RAB30: variants seen among roughly 807,000 people sequenced by gnomAD.
The protein encoded by RAB30 is RAB30, member RAS oncogene family, also known as ras-related protein Rab-30.
A neutral mutation model predicts 25.1 loss-of-function variants in RAB30; 9 were observed. The observed-to-expected ratio is 0.36, with a 90% CI of 0.22 to 0.63. RAB30 has a LOEUF of 0.63. Among genes scored for constraint, RAB30 ranks in the 20% least tolerant of loss-of-function variants. The pLI, the probability that RAB30 is intolerant of heterozygous loss-of-function variation, is 0.69. For missense variants in RAB30, 140 were observed against 243.5 expected (o/e 0.58, Z 2.83); for synonymous variants, 77 against 86.4 (o/e 0.89, Z 0.60).
chr11:83,023,981 T>C (rs1857649633), intron 1 of RAB30, among the ~76,000 whole-genome samples: 1 of 152,172 alleles, frequency 6.6e-6, no homozygotes, highest in Admixed American at 6.5e-5. Flanking sequence ...CAGAGTTTAA[T>C]CCGTGCAGTT....
chr11:82,989,409 T>C (rs182654783), intron 3 of RAB30, among the ~76,000 whole-genome samples: 13 of 152,324 alleles, frequency 8.5e-5, no homozygotes, highest in Admixed American at 8.5e-4. Context: ...AAGGCTCTCC[T>C]TTGATCTGCA....
At chr11:82,990,687 T>C (rs1389517373) in intron 3 of RAB30, among the ~76,000 whole-genome samples, 1 of 152,232 alleles carries the variant, frequency 6.6e-6, no homozygotes, top group Non-Finnish European at 1.5e-5. Flanking sequence ...ATGGTTTAAA[T>C]TGAGCTTAGA....
chr11:83,018,171 C>A (rs571896663), intron 1 of RAB30, among the ~76,000 whole-genome samples: 2 of 151,988 alleles, frequency 1.3e-5, no homozygotes, highest in South Asian at 2.1e-4. Flanking sequence ...TGGTGGCATG[C>A]GCCTGTAGTC....
intron 1 of RAB30, among the ~76,000 whole-genome samples, chr11:83,018,780 G>A (rs1438589837): frequency 6.6e-6 from 1 of 152,152 alleles, no homozygotes; most frequent in Non-Finnish European, 1.5e-5. Flanking sequence ...CCAACATCTA[G>A]AAGAGTTTTA....
At chr11:83,058,110 T>G (rs899178714) in intron 1 of RAB30, among the ~76,000 whole-genome samples, 1 of 152,236 alleles carries the variant, frequency 6.6e-6, no homozygotes, top group African/African-American at 2.4e-5. Context: ...AAACTACTAA[T>G]TACCCTTCAC....
At chr11:83,007,034 T>C (rs1286519368) in intron 1 of RAB30, among the ~76,000 whole-genome samples, 2 of 152,236 alleles carry the variant, frequency 1.3e-5, no homozygotes, top group East Asian at 3.8e-4. Context: ...ACACAGAACA[T>C]TTCTGAGGAA....
At chr11:83,050,095 C>A (rs552166485) in intron 1 of RAB30, among the ~76,000 whole-genome samples, 1 of 151,832 alleles carries the variant, frequency 6.6e-6, no homozygotes, top group South Asian at 2.1e-4. Context: ...TCATCTCTAA[C>A]AAAAATAAAA....
intron 1 of RAB30, among the ~76,000 whole-genome samples, chr11:83,052,625 G>A (rs1471009589): frequency 1.3e-5 from 2 of 152,208 alleles, no homozygotes; most frequent in Non-Finnish European, 2.9e-5. Context: ...GCCCACAGGG[G>A]AACACGAGAG....
At chr11:83,015,254 G>C (rs1857411064) in intron 1 of RAB30, among the ~76,000 whole-genome samples, 1 of 152,172 alleles carries the variant, frequency 6.6e-6, no homozygotes, top group African/African-American at 2.4e-5. Flanking sequence ...AATAGTCTAG[G>C]TGAGAGATCA....
At chr11:83,032,231 C>T (rs1229924479) in intron 1 of RAB30, among the ~76,000 whole-genome samples, 1 of 152,108 alleles carries the variant, frequency 6.6e-6, no homozygotes, top group Non-Finnish European at 1.5e-5. Flanking sequence ...ATATTATGAC[C>T]CAGAGTTTAG....
At chr11:82,983,439 T>G (rs1856678479) in intron 4 of RAB30, among the ~76,000 whole-genome samples, 1 of 152,168 alleles carries the variant, frequency 6.6e-6, no homozygotes, top group African/African-American at 2.4e-5. Context: ...ACCCTTTTTT[T>G]CTTTTAACTG....
intron 1 of RAB30, among the ~76,000 whole-genome samples, chr11:83,053,187 G>A (rs953387312): frequency 6.6e-6 from 1 of 152,156 alleles, no homozygotes; most frequent in Non-Finnish European, 1.5e-5. Flanking sequence ...AGTAGAGGAA[G>A]GAGCCTTAAA....
At chr11:83,010,135 G>A (rs1454337166) in intron 1 of RAB30, among the ~76,000 whole-genome samples, 9 of 152,142 alleles carry the variant, frequency 5.9e-5, no homozygotes, top group Non-Finnish European at 1.3e-4. Flanking sequence ...TAACAGAGAA[G>A]CCACATGATA....
intron 1 of RAB30, among the ~76,000 whole-genome samples, chr11:83,023,603 G>T (rs1323657957): frequency 6.6e-6 from 1 of 152,180 alleles, no homozygotes; most frequent in Non-Finnish European, 1.5e-5. Flanking sequence ...GTCCTACCCA[G>T]CTCAGATTCA....
chr11:82,992,736 A>ACACACACACAC (rs1856878714), intron 3 of RAB30, among the ~76,000 whole-genome samples: 4 of 131,126 alleles, frequency 3.1e-5, no homozygotes, highest in African/African-American at 5.8e-5. Flanking sequence ...CTCTGTCACC[A>ACACACACACAC]ACACACACAC....
At chr11:83,042,530 G>A (rs914608058) in intron 1 of RAB30, among the ~76,000 whole-genome samples, 1 of 152,068 alleles carries the variant, frequency 6.6e-6, no homozygotes, top group Non-Finnish European at 1.5e-5. Context: ...TCCAGCCTGG[G>A]CAACAGAGCG....
At chr11:83,033,040 T>C (rs920249910) in intron 1 of RAB30, among the ~76,000 whole-genome samples, 3 of 150,636 alleles carry the variant, frequency 2.0e-5, no homozygotes, top group Admixed American at 2.0e-4. Flanking sequence ...CTAGGGAACA[T>C]GTTTGCCTCA....
intron 1 of RAB30, among the ~76,000 whole-genome samples, chr11:83,013,542 A>G (rs145446794): frequency 6.8e-4 from 103 of 152,342 alleles, no homozygotes; most frequent in African/African-American, 2.4e-3. Context: ...CAGTACACAC[A>G]AAAGCTGAGA....
At chr11:83,052,228 T>C (rs1467162780) in intron 1 of RAB30, among the ~76,000 whole-genome samples, 2 of 152,230 alleles carry the variant, frequency 1.3e-5, no homozygotes, top group Non-Finnish European at 2.9e-5. Flanking sequence ...ATACTATATA[T>C]TGAGTTACGT....
Sources: allele counts gnomAD v4.1 joint callset (sites outside exome capture counted in the v4.1 genomes callset), GRCh38; gene constraint gnomAD v4.1.1; transcripts MANE v1.5; gene names NCBI Gene and HGNC (gene_info 2026-07-23, HGNC 2026-07-21).